Variants in NTM observed in about 807,000 individuals in gnomAD.
NTM encodes the protein neurotrimin, also known as IgLON family member 2.
In NTM, 13 loss-of-function variants were observed where a neutral mutation model predicts 42.1. That is an observed-to-expected ratio of 0.31 (90% CI 0.20 to 0.49). The LOEUF (loss-of-function observed/expected upper bound fraction) is 0.49, where lower values mean the gene tolerates loss of function less well. NTM is among the 20% of genes least tolerant of loss of function. The pLI, the probability that NTM is intolerant of heterozygous loss-of-function variation, is 0.99. For missense variants in NTM, 373 were observed against 452.8 expected, an observed-to-expected ratio of 0.82 and a Z score of 1.60; for synonymous variants, 187 against 179.2, an observed-to-expected ratio of 1.04 and a Z score of -0.35.
In NTM at chr11:131,880,542, G is replaced by A. The variant is rs1040443929; in HGVS notation, c.83-31022G>A. On this transcript the variant is annotated intron_variant, in intron 1 of 8. Coordinates refer to ENST00000683400, the MANE Select transcript of NTM (RefSeq NM_001352005.2). ...AAGCTCCTCACACAGAGAGTTTCCT[G>A]CCCAGGGCTCTGGACTTGGGAGTCC... 2.6e-5 allele frequency among the ~76,000 whole-genome samples: 4 copies of A among 152,202 alleles called. No homozygotes were observed. The South Asian group carries it at 6.2e-4, about 24-fold the overall frequency.
chr11:132,109,709 G>A (rs1043667439), intron 2 of NTM, among the ~76,000 whole-genome samples: 2 of 152,160 alleles, frequency 1.3e-5, no homozygotes, highest in East Asian at 3.9e-4. Context: ...GCTCCGGGAC[G>A]CCACATTTTC....
At chr11:131,662,503 G>A (rs896232290) in intron 1 of NTM, 1 of 152,230 alleles carries the variant, frequency 6.6e-6, no homozygotes, top group Non-Finnish European at 1.5e-5. Flanking sequence ...CTTTGAAAGG[G>A]AAGAAAATCT....
intron 2 of NTM, among the ~76,000 whole-genome samples, chr11:132,084,948 A>G (rs1235725408): frequency 3.3e-5 from 5 of 152,212 alleles, no homozygotes; most frequent in Non-Finnish European, 7.4e-5. Flanking sequence ...AGATTCTTGT[A>G]AATCTTTTAT....
chr11:132,290,156 G>A (rs1013454447), intron 4 of NTM, among the ~76,000 whole-genome samples: 1 of 152,158 alleles, frequency 6.6e-6, no homozygotes, highest in Non-Finnish European at 1.5e-5. Flanking sequence ...TATAATGAAT[G>A]GGAGAGAAAG....
chr11:132,187,001 G>A (rs2078514833), intron 3 of NTM, among the ~76,000 whole-genome samples: 1 of 152,162 alleles, frequency 6.6e-6, no homozygotes, highest in Non-Finnish European at 1.5e-5. Flanking sequence ...CCGTGTCTAG[G>A]AGAACATTGT....
chr11:131,955,367 A>C (rs1447722689), intron 2 of NTM, among the ~76,000 whole-genome samples: 1 of 152,146 alleles, frequency 6.6e-6, no homozygotes, highest in East Asian at 1.9e-4. Flanking sequence ...TATTACCTAG[A>C]CACATGGATC....
intron 2 of NTM, among the ~76,000 whole-genome samples, chr11:131,994,693 C>T (rs2067669705): frequency 6.6e-6 from 1 of 152,138 alleles, no homozygotes; most frequent in Non-Finnish European, 1.5e-5. Flanking sequence ...CATCCCACTT[C>T]AGTAATTTTA....
chr11:132,187,289 A>G (rs1197860527), intron 3 of NTM, among the ~76,000 whole-genome samples: 1 of 151,710 alleles, frequency 6.6e-6, no homozygotes, highest in Non-Finnish European at 1.5e-5. Flanking sequence ...AAAAAACAAG[A>G]TGAGACCTAG....
At chr11:131,447,636 C>G (rs1188713910) in intron 1 of NTM, among the ~76,000 whole-genome samples, 1 of 152,140 alleles carries the variant, frequency 6.6e-6, no homozygotes, top group Non-Finnish European at 1.5e-5. Context: ...ACGCTGCATT[C>G]TGATTGCATC....
chr11:131,558,883 C>G (rs868084471), intron 1 of NTM, among the ~76,000 whole-genome samples: 2 of 152,012 alleles, frequency 1.3e-5, no homozygotes, highest in Admixed American at 6.5e-5. Flanking sequence ...TCTTATGTAC[C>G]ATTCTACAGA....
At chr11:131,947,420 C>G (rs1190352071) in intron 2 of NTM, among the ~76,000 whole-genome samples, 1 of 152,160 alleles carries the variant, frequency 6.6e-6, no homozygotes, top group Non-Finnish European at 1.5e-5. Flanking sequence ...GTTCTGCACC[C>G]CTGCCAGACC....
rs565602034 is a variant in NTM at position 131,683,172 on chromosome 11, C to T, written c.83-228392C>T. On this transcript the variant is annotated intron_variant, in intron 1 of 8. Coordinates refer to ENST00000683400, the MANE Select transcript of NTM (RefSeq NM_001352005.2). ...AAAACCCAACCAGAAGGTCTGCATG[C>T]TTTATTCCTAATCAAAAGAAGAATG... 9.8e-5 allele frequency among the ~76,000 whole-genome samples: 15 copies of T among 152,330 alleles called. No homozygotes were observed. In the East Asian group the frequency reaches 2.7e-3, roughly 27 times the overall value.
At chr11:131,558,215 G>A (rs1408792347) in intron 1 of NTM, among the ~76,000 whole-genome samples, 1 of 152,088 alleles carries the variant, frequency 6.6e-6, no homozygotes, top group Non-Finnish European at 1.5e-5. Context: ...TGCTTCCTTG[G>A]GAGCAGCACA....
chr11:131,533,708 A>T (rs2051665707), intron 1 of NTM: 1 of 152,216 alleles, frequency 6.6e-6, no homozygotes, highest in South Asian at 2.1e-4. Flanking sequence ...CTACATGCAT[A>T]GTCAATCTGC....
At chr11:132,259,965 T>A (rs2092745284) in intron 4 of NTM, among the ~76,000 whole-genome samples, 7 of 152,176 alleles carry the variant, frequency 4.6e-5, no homozygotes. Flanking sequence ...ATCAGGCTGG[T>A]CTCGAACACC....
At chr11:132,212,453 A>C (rs1339097517) in intron 4 of NTM, among the ~76,000 whole-genome samples, 2 of 152,202 alleles carry the variant, frequency 1.3e-5, no homozygotes, top group East Asian at 3.8e-4. Context: ...TGATGGAACA[A>C]AGCTTTAGTG....
At chr11:132,126,554 G>A (rs2065874556) in intron 2 of NTM, among the ~76,000 whole-genome samples, 1 of 152,172 alleles carries the variant, frequency 6.6e-6, no homozygotes, top group South Asian at 2.1e-4. Flanking sequence ...GCAGGAGGAG[G>A]GGGAGGAAGC....
intron 1 of NTM, among the ~76,000 whole-genome samples, chr11:131,471,069 A>G (rs1464705682): frequency 2.0e-5 from 3 of 152,216 alleles, no homozygotes; most frequent in Non-Finnish European, 4.4e-5. Context: ...TTAGATGCTC[A>G]GTGAATTCCT....
intron 1 of NTM, among the ~76,000 whole-genome samples, chr11:131,779,118 C>A (rs1351944660): frequency 1.3e-5 from 2 of 152,152 alleles, no homozygotes; most frequent in East Asian, 3.9e-4. Flanking sequence ...CTGGGAGTGG[C>A]CCCAGCTGAC....
Sources: gnomAD v4.1 joint callset for allele counts (sites outside exome capture counted in the v4.1 genomes callset) on GRCh38, gnomAD v4.1.1 for gene constraint, MANE v1.5 for transcripts, NCBI Gene and HGNC (gene_info 2026-07-23, HGNC 2026-07-21) for gene names.